PDS5A: variants seen among roughly 807,000 people sequenced by gnomAD.
PDS5A encodes PDS5 cohesin associated factor A.
A neutral mutation model predicts 167.1 loss-of-function variants in PDS5A; 42 were observed. That is an observed-to-expected ratio of 0.25 (90% CI 0.20 to 0.33). PDS5A has a LOEUF of 0.33. PDS5A is among the 10% of genes least tolerant of loss of function. The pLI is 1.00. For synonymous variants in PDS5A, 553 were observed against 554.6 expected, an observed-to-expected ratio of 1.00 and a Z score of 0.04; for missense variants, 1,033 against 1,605.9, an observed-to-expected ratio of 0.64 and a Z score of 6.10.
intron 2 of PDS5A, among the ~76,000 whole-genome samples, chr4:39,931,931 G>A (rs374407842): frequency 7.5e-5 from 11 of 146,022 alleles, no homozygotes; most frequent in African/African-American, 2.3e-4. Flanking sequence ...TTGCTCTGTC[G>A]CCCAGGCTAA....
intron 2 of PDS5A, among the ~76,000 whole-genome samples, chr4:39,968,642 G>A (rs1265496274): frequency 1.3e-5 from 2 of 151,794 alleles, no homozygotes; most frequent in Middle Eastern, 3.4e-3. Flanking sequence ...ACGTTGGTCA[G>A]GCTGGTCTCG....
intron 17 of PDS5A, among the ~76,000 whole-genome samples, chr4:39,885,266 G>T (rs1193452311): frequency 8.0e-6 from 1 of 125,584 alleles, no homozygotes; most frequent in East Asian, 2.4e-4. Flanking sequence ...AAAAAAAAAA[G>T]AAAGGAAAAG....
At chr4:39,927,571 T>C (rs1054266810) in intron 3 of PDS5A, among the ~76,000 whole-genome samples, 2 of 152,170 alleles carry the variant, frequency 1.3e-5, no homozygotes, top group African/African-American at 2.4e-5. Context: ...GCATATAGTT[T>C]TGCATGCTGA....
chr4:39,888,236 T>G (rs1168423299), intron 17 of PDS5A, among the ~76,000 whole-genome samples: 2 of 81,738 alleles, frequency 2.4e-5, no homozygotes, highest in Non-Finnish European at 4.2e-5. Context: ...AGAGCAAGAC[T>G]CCGGCAAAAA....
intron 6 of PDS5A, among the ~76,000 whole-genome samples, chr4:39,921,674 C>A (rs1189357354): frequency 6.6e-6 from 1 of 151,358 alleles, no homozygotes; most frequent in Admixed American, 6.6e-5. Flanking sequence ...ATCACTTGAG[C>A]CCAGGAGACA....
chr4:39,957,376 A>G (rs919331530), intron 2 of PDS5A, among the ~76,000 whole-genome samples: 7 of 152,252 alleles, frequency 4.6e-5, no homozygotes, highest in Admixed American at 4.6e-4. Context: ...TCATATTATA[A>G]TTAAGTACAT....
chr4:39,885,875 A>G (rs983015763), intron 17 of PDS5A, among the ~76,000 whole-genome samples: 9 of 152,158 alleles, frequency 5.9e-5, no homozygotes, highest in Admixed American at 5.2e-4. Context: ...GCATCACCTG[A>G]GCCCAGGAGG....
In PDS5A at chr4:39,926,814, T is replaced by C. The variant is rs1471731002; in HGVS notation, c.390A>G (p.Thr130=). The change falls in exon 4 of 33, where the codon ACA becomes ACG. Residue 130 remains threonine (T), a synonymous_variant. Coordinates refer to ENST00000303538, the MANE Select transcript of PDS5A (RefSeq NM_001100399.2). Reference sequence around the variant, plus strand: ...AGTATCTATTAAACTGTGGACTCTTTGTATCCTCCAAACCTTTTAATTGTC... The same window carrying C: ...AGTATCTATTAAACTGTGGACTCTTCGTATCCTCCAAACCTTTTAATTGTC... The part of the protein sequence containing the change: ...ITRQLKGLED[T]KSPQFNRYFY... 5 of 1,433,748 alleles carry C rather than the reference T, an allele frequency of 3.5e-6. No homozygotes were observed. The East Asian group carries it at 1.4e-4, about 39-fold the overall frequency. The allele number at this position is 1,433,748 out of a possible 1,614,324, so 88.8% of individuals were successfully genotyped here.
At chr4:39,970,190 A>T (rs997399932) in intron 2 of PDS5A, among the ~76,000 whole-genome samples, 9 of 151,938 alleles carry the variant, frequency 5.9e-5, no homozygotes, top group Admixed American at 5.9e-4. Flanking sequence ...AGAAGTAACA[A>T]ATGAATGACA....
intron 23 of PDS5A, among the ~76,000 whole-genome samples, chr4:39,865,107 C>T (rs1002614244): frequency 6.6e-6 from 1 of 151,954 alleles, no homozygotes; most frequent in Non-Finnish European, 1.5e-5. Context: ...CATGATCATA[C>T]TGAGGAATGA....
At chr4:39,832,624 T>C (rs1716009618) in intron 32 of PDS5A, among the ~76,000 whole-genome samples, 1 of 151,972 alleles carries the variant, frequency 6.6e-6, no homozygotes, top group Non-Finnish European at 1.5e-5. Context: ...GAAGATTGCT[T>C]GGGGGCAGGA....
chr4:39,917,450 A>G lies in PDS5A; in HGVS notation c.736-262T>C, dbSNP rs545230158. On this transcript the variant is annotated intron_variant, in intron 7 of 32. Transcript: ENST00000303538. ...AATTGGTTTGTTGGGTGTATTTCAA[A>G]TAAGGACATTTCTAGGAATCTTTGT... Among the ~76,000 whole-genome samples, 16 of 152,348 alleles carry G rather than the reference A, an allele frequency of 1.1e-4. No individual in the cohort carries two copies. The East Asian group carries it at 1.7e-3, about 17-fold the overall frequency.
At chr4:39,929,243 G>A (rs1277573589) in intron 2 of PDS5A, among the ~76,000 whole-genome samples, 2 of 152,010 alleles carry the variant, frequency 1.3e-5, no homozygotes, top group Non-Finnish European at 2.9e-5. Flanking sequence ...GTTGCCAAGA[G>A]ATTACATTTG....
Position 39,873,072 on chromosome 4 carries a change from A to C in PDS5A, c.2350T>G (p.Ser784Ala). The C allele has an allele frequency of 1.3e-6, 2 of 1,561,140 alleles. No individual in the cohort carries two copies. Among genetic ancestry groups the C allele is most frequent in the East Asian group, 4.5e-5 (2 of 44,034 alleles). Residue 784 changes from serine (S) to alanine (A), a missense_variant, in exon 21 of 33, where the codon TCT becomes GCT. Ser to Ala is a moderately conservative substitution (Grantham distance 99). Transcript: ENST00000303538. Reference sequence around the variant, plus strand: ...GCAAACTGATCTGGTGCTAACATAGAAATGTGGCCCAATGAAACTAATGGA... The same window carrying C: ...GCAAACTGATCTGGTGCTAACATAGCAATGTGGCCCAATGAAACTAATGGA... The part of the protein sequence containing the change: ...ITPLVSLGHI[S>A]MLAPDQFASP...
intron 7 of PDS5A, among the ~76,000 whole-genome samples, chr4:39,919,270 C>T (rs916122483): frequency 2.6e-5 from 4 of 152,040 alleles, no homozygotes; most frequent in East Asian, 1.9e-4. Context: ...TAAGGAAATA[C>T]GTATCAAGAA....
chr4:39,878,621 T>G (rs1419917638), intron 18 of PDS5A, among the ~76,000 whole-genome samples: 2 of 151,880 alleles, frequency 1.3e-5, no homozygotes, highest in Non-Finnish European at 2.9e-5. Context: ...AAAAAAGCAA[T>G]CTATTAAAAA....
intron 17 of PDS5A, among the ~76,000 whole-genome samples, chr4:39,884,207 A>G (rs1269035206): frequency 1.3e-5 from 2 of 152,184 alleles, no homozygotes; most frequent in African/African-American, 2.4e-5. Flanking sequence ...GATTACACGC[A>G]TGAGCCACCA....
At chr4:39,907,655 C>T (rs1279625300) in intron 11 of PDS5A, among the ~76,000 whole-genome samples, 4 of 150,812 alleles carry the variant, frequency 2.7e-5, no homozygotes, top group East Asian at 1.9e-4. Flanking sequence ...GGTGCAATCT[C>T]GGCTCACTGC....
At chr4:39,906,008 TAAAA>T (rs3070902) in intron 11 of PDS5A, among the ~76,000 whole-genome samples, 1 of 146,380 alleles carries the variant, frequency 6.8e-6, no homozygotes, top group Admixed American at 6.8e-5. Context: ...GGAGATGAAG[TAAAA>T]AAAAAAAAAG....
Sources: gnomAD v4.1 joint callset for allele counts (sites outside exome capture counted in the v4.1 genomes callset) on GRCh38, gnomAD v4.1.1 for gene constraint, MANE v1.5 for transcripts, NCBI Gene and HGNC (gene_info 2026-07-23, HGNC 2026-07-21) for gene names.